The following CAMTA1 variants were observed in gnomAD, a reference collection of about 807,000 sequenced individuals.
CAMTA1 encodes the protein calmodulin binding transcription activator 1.
Under a neutral mutation model 170.9 loss-of-function variants are expected in CAMTA1, and 27 were observed. The observed-to-expected ratio is 0.16, with a 90% CI of 0.12 to 0.22. The LOEUF (loss-of-function observed/expected upper bound fraction) is 0.22, where lower values mean the gene tolerates loss of function less well. Among genes scored for constraint, CAMTA1 ranks in the 10% least tolerant of loss-of-function variants. The probability of loss-of-function intolerance (pLI) is 1.00; values close to 1 mark genes in which losing one functional copy is unlikely to be tolerated. For missense variants in CAMTA1, 1,619 were observed against 2,217.2 expected (o/e 0.73, Z 5.42); for synonymous variants, 833 against 891.5 (o/e 0.93, Z 1.17).
At chr1:7,003,590 ATTATT>A (rs1418377796) in intron 3 of CAMTA1, among the ~76,000 whole-genome samples, 16 of 151,368 alleles carry the variant, frequency 1.1e-4, no homozygotes, top group Non-Finnish European at 2.4e-4. Flanking sequence ...CCTGGACTTT[ATTATT>A]ATGGTCTGGA....
chr1:7,490,310 C>G (rs372862618), intron 6 of CAMTA1, among the ~76,000 whole-genome samples: 34 of 152,282 alleles, frequency 2.2e-4, no homozygotes, highest in Admixed American at 1.2e-3. Context: ...CATCGATTGC[C>G]CAGAACACAA....
chr1:7,283,911 T>C (rs912200681), intron 5 of CAMTA1, among the ~76,000 whole-genome samples: 1 of 152,132 alleles, frequency 6.6e-6, no homozygotes, highest in Non-Finnish European at 1.5e-5. Flanking sequence ...CAGTCCCTGC[T>C]CCGTTCTTAG....
Position 7,580,155 on chromosome 1 carries a change from TG to T in CAMTA1, c.511-60243del, listed in dbSNP as rs1338091691. ...GCGGGCTCACAGTCCGAGAGGACAC[TG>T]GTATGTGAACTGAGGCAGCGGGAAG... is the stretch of plus-strand genomic sequence containing the variant. On this transcript the variant is annotated intron_variant, in intron 6 of 22. Transcript: ENST00000303635. This position sits in a 1 kb window ranked among gnomAD's most constrained non-coding sequence, Gnocchi z 4.3. 6.6e-6 allele frequency among the ~76,000 whole-genome samples: 1 copy of T among 152,190 alleles called. No individual in the cohort carries two copies. The highest frequency in any genetic ancestry group is 2.4e-5 in the African/African-American group (1 of 41,454).
intron 11 of CAMTA1, among the ~76,000 whole-genome samples, chr1:7,729,260 G>T (rs1460005311): frequency 6.6e-6 from 1 of 151,932 alleles, no homozygotes; most frequent in Non-Finnish European, 1.5e-5. Context: ...GGGACTACAG[G>T]CATACACCAC....
chr1:7,431,433 C>T (rs760316812), intron 5 of CAMTA1, among the ~76,000 whole-genome samples: 4 of 152,180 alleles, frequency 2.6e-5, no homozygotes, highest in Non-Finnish European at 4.4e-5. Context: ...CATTTCCACC[C>T]GGGAGTACAG....
intron 4 of CAMTA1, among the ~76,000 whole-genome samples, chr1:7,118,290 CTTTTTT>C (rs58318758): frequency 2.7e-5 from 3 of 112,500 alleles, no homozygotes; most frequent in African/African-American, 1.1e-4. Flanking sequence ...TCTTGGCATC[CTTTTTT>C]TTTTTTTTTT....
intron 6 of CAMTA1, among the ~76,000 whole-genome samples, chr1:7,552,087 G>C (rs1394917165): frequency 2.6e-5 from 4 of 152,220 alleles, no homozygotes; most frequent in African/African-American, 9.6e-5. Flanking sequence ...GTAGAACTTG[G>C]ATTCAAACCC....
rs1322143819 is a variant in CAMTA1 at position 7,751,321 on chromosome 1, C to T, written c.4812C>T (p.Tyr1604=). 1 of 1,611,928 alleles carries T rather than the reference C, an allele frequency of 6.2e-7. No homozygotes were observed. Among genetic ancestry groups the T allele is most frequent in the Non-Finnish European group, 8.5e-7 (1 of 1,179,534 alleles). ...RRAAVLIQKY[Y]RSYKKCGKRR... ...CTGCTGTGCTCATCCAAAAGTACTACCGAAGTTATAAGAAATGTGGCAAAA... is the reference window on the plus strand; with the variant it reads ...CTGCTGTGCTCATCCAAAAGTACTATCGAAGTTATAAGAAATGTGGCAAAA... Residue 1604 remains tyrosine (Y), a synonymous_variant, in exon 20 of 23, where the codon TAC becomes TAT. Coordinates refer to ENST00000303635, the MANE Select transcript of CAMTA1 (RefSeq NM_015215.4).
rs183698560 is a variant in CAMTA1 at position 6,991,857 on chromosome 1, C to T, written c.235-99447C>T. ...GGGATTACAGGTGACCACCACCATA[C>T]CTGGCTATTTTTTTTTGTATTTTTA... On this transcript the variant is annotated intron_variant, in intron 3 of 22. Transcript: ENST00000303635. Among the ~76,000 whole-genome samples, 31 of 152,176 alleles carry T rather than the reference C, an allele frequency of 2.0e-4. No individual in the cohort carries two copies. The East Asian group carries it at 4.8e-3, about 24-fold the overall frequency.
At chr1:7,060,044 C>G (rs929502831) in intron 3 of CAMTA1, among the ~76,000 whole-genome samples, 1 of 152,088 alleles carries the variant, frequency 6.6e-6, no homozygotes, top group African/African-American at 2.4e-5. Context: ...GGACTTCTGG[C>G]GTAACTTTTA....
intron 12 of CAMTA1, among the ~76,000 whole-genome samples, chr1:7,733,443 CT>C (rs1481415951): frequency 6.6e-6 from 1 of 152,134 alleles, no homozygotes; most frequent in Non-Finnish European, 1.5e-5. Flanking sequence ...ATTACAGCCT[CT>C]TTCACAAACT....
chr1:7,606,062 A>C (rs2095484003), intron 6 of CAMTA1, among the ~76,000 whole-genome samples: 1 of 152,166 alleles, frequency 6.6e-6, no homozygotes, highest in Non-Finnish European at 1.5e-5. Flanking sequence ...TGATCCAATC[A>C]AGGCCCCTGA....
At chr1:7,169,657 A>G (rs1320484190) in intron 4 of CAMTA1, among the ~76,000 whole-genome samples, 1 of 152,128 alleles carries the variant, frequency 6.6e-6, no homozygotes, top group African/African-American at 2.4e-5. Flanking sequence ...GACTACAGGC[A>G]TGCACCACCA....
intron 6 of CAMTA1, among the ~76,000 whole-genome samples, chr1:7,523,315 T>A (rs1185748649): frequency 6.6e-6 from 1 of 152,242 alleles, no homozygotes; most frequent in Non-Finnish European, 1.5e-5. Context: ...ATTCTAATAT[T>A]GGTATCTATT....
At chr1:6,880,194 C>CTCTGGAGTA (rs978581097) in intron 3 of CAMTA1, among the ~76,000 whole-genome samples, 38 of 151,974 alleles carry the variant, frequency 2.5e-4, no homozygotes, top group South Asian at 1.5e-3. Context: ...CTAGGCTTGC[C>CTCTGGAGTA]TCTGGAGTAG....
intron 3 of CAMTA1, among the ~76,000 whole-genome samples, chr1:6,832,798 A>G (rs1050564142): frequency 6.6e-6 from 1 of 152,244 alleles, no homozygotes. Flanking sequence ...ATGAAAATGC[A>G]TATAAACAAC....
At chr1:7,627,947 G>A (rs2095644321) in intron 6 of CAMTA1, among the ~76,000 whole-genome samples, 1 of 152,202 alleles carries the variant, frequency 6.6e-6, no homozygotes, top group Non-Finnish European at 1.5e-5. Flanking sequence ...GAATTGTGTG[G>A]TGGAAAGAGT....
At chr1:7,139,159 A>G (rs1453148847) in intron 4 of CAMTA1, among the ~76,000 whole-genome samples, 1 of 139,314 alleles carries the variant, frequency 7.2e-6, no homozygotes, top group Non-Finnish European at 1.6e-5. Context: ...ATAAATATAA[A>G]TATATATAAA....
intron 3 of CAMTA1, among the ~76,000 whole-genome samples, chr1:7,084,215 G>GT (rs1558072887): frequency 6.6e-6 from 1 of 151,768 alleles, no homozygotes; most frequent in Non-Finnish European, 1.5e-5. Context: ...GTTGTTTTTT[G>GT]TTTAATTTGT....
Sources: gnomAD v4.1 joint callset for allele counts (sites outside exome capture counted in the v4.1 genomes callset) on GRCh38, gnomAD v4.1.1 for gene constraint, Gnocchi (gnomAD v3.1) non-coding constraint, MANE v1.5 for transcripts, NCBI Gene and HGNC (gene_info 2026-07-23, HGNC 2026-07-21) for gene names.